NLRP11: variants seen among roughly 807,000 people sequenced by gnomAD.
NLRP11 encodes the protein NACHT, LRR and PYD domains-containing protein 11.
A neutral mutation model predicts 79.3 loss-of-function variants in NLRP11; 53 were observed. The observed-to-expected ratio is 0.67, with a 90% CI of 0.54 to 0.84. The LOEUF is 0.84. NLRP11 is among the 40% of genes least tolerant of loss of function. The pLI, the probability that NLRP11 is intolerant of heterozygous loss-of-function variation, is 0.00. For synonymous variants in NLRP11, 518 were observed against 462.6 expected (o/e 1.12, Z -1.54); for missense variants, 1,264 against 1,255.0 (o/e 1.01, Z -0.11).
At chr19:55,800,185 C>T (rs950989651) in intron 5 of NLRP11, among the ~76,000 whole-genome samples, 32 of 152,236 alleles carry the variant, frequency 2.1e-4, no homozygotes, top group Admixed American at 3.3e-4. Context: ...TGAAGTCTAG[C>T]AAGTGGTATT....
At chr19:55,829,392 G>GT in intron 1 of NLRP11, among the ~76,000 whole-genome samples, 1 of 151,938 alleles carries the variant, frequency 6.6e-6, no homozygotes, top group Middle Eastern at 3.4e-3. Flanking sequence ...AGGCTGGGCA[G>GT]GGTGGCTCAT....
intron 1 of NLRP11, among the ~76,000 whole-genome samples, chr19:55,821,201 TCTCTCACA>T (rs1186495382): frequency 6.7e-5 from 6 of 89,330 alleles, no homozygotes; most frequent in Admixed American, 1.2e-4. Context: ...TCTCTCTCTC[TCTCTCACA>T]CACACACACA....
At chr19:55,820,826 C>CATACAGGT (rs1981623042) in intron 1 of NLRP11, among the ~76,000 whole-genome samples, 1 of 152,090 alleles carries the variant, frequency 6.6e-6, no homozygotes, top group African/African-American at 2.4e-5. Context: ...GGGACTGGTA[C>CATACAGGT]CCTGACATAT....
chr19:55,819,213 A>C (rs1981449799), intron 1 of NLRP11, among the ~76,000 whole-genome samples: 1 of 140,262 alleles, frequency 7.1e-6, no homozygotes. Flanking sequence ...ATTCTACCCC[A>C]CCTCTGCAGG....
intron 1 of NLRP11, 86 bp downstream of exon 1, chr19:55,831,877 C>T (rs555008780): frequency 2.0e-4 from 31 of 152,036 alleles, no homozygotes; most frequent in African/African-American, 7.2e-4. Flanking sequence ...AGCTCCTAAC[C>T]AAAGAGAAAG....
intron 2 of NLRP11, among the ~76,000 whole-genome samples, 180 bp from the exon 3 acceptor site, chr19:55,810,518 T>C (rs570219974): frequency 1.2e-3 from 185 of 152,330 alleles, no homozygotes; most frequent in African/African-American, 4.4e-3. Flanking sequence ...GTTTTTGAGA[T>C]GGAGTTTTGC....
chr19:55,814,968 C>T (rs2076263555), intron 2 of NLRP11, among the ~76,000 whole-genome samples: 1 of 152,128 alleles, frequency 6.6e-6, no homozygotes, highest in Admixed American at 6.5e-5. Flanking sequence ...ATCAAAACAT[C>T]AAGTTGTACA....
chr19:55,823,012 T>C (rs1011012049), intron 1 of NLRP11, among the ~76,000 whole-genome samples: 3 of 151,076 alleles, frequency 2.0e-5, no homozygotes, highest in South Asian at 2.1e-4. Context: ...TAAATGTCCC[T>C]GTCTGACAGC....
intron 2 of NLRP11, among the ~76,000 whole-genome samples, chr19:55,815,941 G>C (rs185010828): frequency 0.059 from 8,903 of 151,982 alleles, 489 homozygotes; most frequent in African/African-American, 0.15. Context: ...GAGGTTATGA[G>C]CCTTGACTCC....
intron 2 of NLRP11, among the ~76,000 whole-genome samples, chr19:55,817,126 C>A (rs1981193734): frequency 6.6e-6 from 1 of 151,980 alleles, no homozygotes. Flanking sequence ...ATCAAAACCA[C>A]AATGCAATCC....
At chr19:55,810,241 G>T in exon 3 of NLRP11, 1 of 1,613,922 alleles carries the variant, frequency 6.2e-7, no homozygotes, top group African/African-American at 1.3e-5. Flanking sequence ...CTGACGAAAC[G>T]TCACGAAAAA....
At chr19:55,810,831 C>G (rs1980537568) in intron 2 of NLRP11, among the ~76,000 whole-genome samples, 1 of 152,158 alleles carries the variant, frequency 6.6e-6, no homozygotes, top group South Asian at 2.1e-4. Flanking sequence ...TTGAATAAAA[C>G]CTATTCAACT....
At chr19:55,793,297 G>A (rs768974088) in intron 6 of NLRP11, among the ~76,000 whole-genome samples, 134 of 152,014 alleles carry the variant, frequency 8.8e-4, no homozygotes, top group Non-Finnish European at 1.6e-3. Flanking sequence ...GGCCGGGCAC[G>A]GTGGTTCACA....
At chr19:55,823,646 T>C (rs2122907974) in intron 1 of NLRP11, among the ~76,000 whole-genome samples, 1 of 147,630 alleles carries the variant, frequency 6.8e-6, no homozygotes, top group South Asian at 2.1e-4. Context: ...TACGATCAAC[T>C]GGAAGAAAGG....
At chr19:55,827,100 A>T (rs2122925172) in intron 1 of NLRP11, among the ~76,000 whole-genome samples, 1 of 142,214 alleles carries the variant, frequency 7.0e-6, no homozygotes, top group East Asian at 2.2e-4. Flanking sequence ...GAGCCCTCAG[A>T]AATAATGCCG....
chr19:55,794,973 A>G (rs299189), intron 6 of NLRP11, among the ~76,000 whole-genome samples: 52,812 of 152,050 alleles, frequency 0.35, 9,358 homozygotes, highest in East Asian at 0.49. Flanking sequence ...GCGAAACAAA[A>G]AAACAAGATG....
chr19:55,832,903 C>A (rs1371725682), upstream of NLRP11: 1 of 152,050 alleles, frequency 6.6e-6, no homozygotes, highest in Admixed American at 6.6e-5. Context: ...TTCACTGGGA[C>A]AAGAAAACGG....
intron 1 of NLRP11, among the ~76,000 whole-genome samples, chr19:55,828,958 G>A (rs1982486758): frequency 1.3e-5 from 2 of 152,128 alleles, no homozygotes; most frequent in Non-Finnish European, 2.9e-5. Context: ...CACAATCATT[G>A]AGGAAATATC....
upstream of NLRP11, among the ~76,000 whole-genome samples, chr19:55,834,211 C>G (rs1449844088): frequency 6.6e-6 from 1 of 152,086 alleles, no homozygotes; most frequent in African/African-American, 2.4e-5. Context: ...AAACCACAAA[C>G]TAGGAGGAGA....
Sources: gnomAD v4.1 joint callset for allele counts (sites outside exome capture counted in the v4.1 genomes callset) on GRCh38, gnomAD v4.1.1 for gene constraint, MANE v1.5 for transcripts, NCBI Gene and HGNC (gene_info 2026-07-23, HGNC 2026-07-21) for gene names.